The following MALRD1 variants were observed in gnomAD, a reference collection of about 807,000 sequenced individuals.
The protein encoded by MALRD1 is MAM and LDL-receptor class A domain-containing protein 1.
MALRD1 carries 247 observed loss-of-function variants against 242.1 expected under a neutral mutation model. The observed-to-expected ratio is 1.02, with a 90% CI of 0.92 to 1.13. MALRD1 has a LOEUF of 1.13. MALRD1 is among the 50% of genes most tolerant of loss of function. The probability of loss-of-function intolerance (pLI) is 0.00; values close to 1 mark genes in which losing one functional copy is unlikely to be tolerated. For missense variants in MALRD1, 2,989 were observed against 2,533.1 expected (o/e 1.18, Z -3.86); for synonymous variants, 995 against 866.6 (o/e 1.15, Z -2.60).
chr10:19,601,055 C>T (rs1216197869), intron 34 of MALRD1, among the ~76,000 whole-genome samples: 2 of 151,866 alleles, frequency 1.3e-5, no homozygotes, highest in Admixed American at 6.6e-5. Flanking sequence ...TTTTTTAAAA[C>T]AAAATTTGTA....
chr10:19,562,003 T>C (rs1835988377), intron 32 of MALRD1, among the ~76,000 whole-genome samples: 1 of 152,150 alleles, frequency 6.6e-6, no homozygotes. Context: ...ATCTTCATTA[T>C]AAGAACTTGA....
chr10:19,580,453 C>T (rs1378373173), intron 33 of MALRD1, among the ~76,000 whole-genome samples: 2 of 152,124 alleles, frequency 1.3e-5, no homozygotes, highest in Non-Finnish European at 2.9e-5. Flanking sequence ...CCACCTCAAT[C>T]TCATGTTTCC....
intron 18 of MALRD1, among the ~76,000 whole-genome samples, chr10:19,220,672 A>C (rs1326038195): frequency 6.6e-6 from 1 of 152,100 alleles, no homozygotes; most frequent in Non-Finnish European, 1.5e-5. Flanking sequence ...CGATGGCTTC[A>C]TGAGGAGCAG....
intron 14 of MALRD1, among the ~76,000 whole-genome samples, chr10:19,183,621 C>CT (rs1453994645): frequency 6.6e-6 from 1 of 152,126 alleles, no homozygotes; most frequent in Non-Finnish European, 1.5e-5. Context: ...TTATGGCCTA[C>CT]TTCAAACGGG....
intron 28 of MALRD1, among the ~76,000 whole-genome samples, chr10:19,393,788 T>C (rs1300189916): frequency 6.6e-6 from 1 of 152,040 alleles, no homozygotes; most frequent in Non-Finnish European, 1.5e-5. Context: ...GTAATATGTA[T>C]ACATGAATAC....
chr10:19,108,380 GTTTTTTCTTTTTTTTTT>G (rs1836547533), intron 5 of MALRD1, among the ~76,000 whole-genome samples: 3 of 21,280 alleles, frequency 1.4e-4, no homozygotes, highest in African/African-American at 2.2e-4. Flanking sequence ...CTCATGAATT[GTTTTTTCTTTTTTTTTT>G]TTTTTTTTTT....
rs544897725 is a variant in MALRD1, at chr10:19,557,911, T to C, written c.5479-9591T>C. Among the ~76,000 whole-genome samples the C allele has an allele frequency of 2.6e-5, 4 of 152,220 alleles. No individual in the cohort carries two copies. In the South Asian group the frequency reaches 8.3e-4, roughly 32 times the overall value. ...AGTCTTCCTCATGAAATAACATCTA[T>C]TTATCTATATTTGAGATTTTTCATC... On this transcript the variant is annotated intron_variant, in intron 32 of 39. Coordinates refer to ENST00000454679, the MANE Select transcript of MALRD1 (RefSeq NM_001142308.3).
intron 12 of MALRD1, among the ~76,000 whole-genome samples, chr10:19,155,408 TCA>T (rs1834107190): frequency 1.3e-5 from 2 of 152,216 alleles, no homozygotes; most frequent in South Asian, 4.1e-4. Context: ...TATATTCTTT[TCA>T]CACAGTCATT....
intron 33 of MALRD1, among the ~76,000 whole-genome samples, chr10:19,586,083 C>T (rs2131527237): frequency 6.6e-6 from 1 of 152,258 alleles, no homozygotes; most frequent in Middle Eastern, 3.4e-3. Context: ...CCATCAGCTC[C>T]TTTAAGCACT....
chr10:19,211,974 A>C (rs1313298618), intron 18 of MALRD1, among the ~76,000 whole-genome samples: 1 of 152,188 alleles, frequency 6.6e-6, no homozygotes, highest in Non-Finnish European at 1.5e-5. Flanking sequence ...TTGTACATGT[A>C]AGTATACAGG....
At chr10:19,499,554 C>A (rs1766043640) in intron 31 of MALRD1, among the ~76,000 whole-genome samples, 1 of 152,136 alleles carries the variant, frequency 6.6e-6, no homozygotes, top group South Asian at 2.1e-4. Context: ...TGACAGTCCA[C>A]CCTGCAGATA....
At chr10:19,405,732 T>C (rs1050232860) in intron 28 of MALRD1, among the ~76,000 whole-genome samples, 1 of 152,204 alleles carries the variant, frequency 6.6e-6, no homozygotes, top group Non-Finnish European at 1.5e-5. Flanking sequence ...ATATCCTAGT[T>C]CCTAGACTCA....
intron 19 of MALRD1, among the ~76,000 whole-genome samples, chr10:19,265,754 A>C (rs952541580): frequency 3.9e-5 from 6 of 152,060 alleles, no homozygotes; most frequent in African/African-American, 1.4e-4. Flanking sequence ...AGTTTCATTT[A>C]AGTTCAATGT....
At position 19,486,030 on chromosome 10, in the gene MALRD1, T is replaced by G. The variant is rs11812707; in HGVS notation, c.5030-5487T>G. 4.2e-3 allele frequency among the ~76,000 whole-genome samples: 645 copies of G among 152,220 alleles called. 2 individuals are homozygous for G. The highest frequency in any genetic ancestry group is 0.015 in the African/African-American group (617 of 41,552). ...GTGTATATGTTATGATTACAAGTAT[T>G]TAACCTAGTTACAAAAAAATTTAAA... On this transcript the variant is annotated intron_variant, in intron 29 of 39. Coordinates refer to ENST00000454679, the MANE Select transcript of MALRD1 (RefSeq NM_001142308.3).
At chr10:19,118,180 T>C (rs1403374106) in intron 5 of MALRD1, among the ~76,000 whole-genome samples, 1 of 152,018 alleles carries the variant, frequency 6.6e-6, no homozygotes, top group African/African-American at 2.4e-5. Flanking sequence ...AGCCAAACAG[T>C]AGAGGAAATA....
intron 38 of MALRD1, among the ~76,000 whole-genome samples, chr10:19,709,511 G>C (rs1299943839): frequency 6.6e-6 from 1 of 152,014 alleles, no homozygotes; most frequent in Non-Finnish European, 1.5e-5. Flanking sequence ...TCTCTTTTAT[G>C]AGCCATTCAC....
chr10:19,048,907 A>G lies in MALRD1; in HGVS notation c.-32A>G. 16 of 1,223,282 alleles carry G rather than the reference A, an allele frequency of 1.3e-5. No homozygotes were observed. The highest frequency in any genetic ancestry group is 1.6e-5 in the Non-Finnish European group (16 of 978,436). The allele number at this position is 1,223,282 out of a possible 1,614,324, so 75.8% of individuals were successfully genotyped here. A position where few individuals can be genotyped will look rare whatever the true frequency, so the allele number is the denominator to read the frequency against. ...TCCAATGATGGACTTACTTATTACA[A>G]CTGCTTGATCTCTAATAGACAATAC... is the stretch of plus-strand genomic sequence containing the variant. On this transcript the variant is annotated 5_prime_UTR_variant, in exon 1 of 40. Transcript: ENST00000454679.
intron 22 of MALRD1, among the ~76,000 whole-genome samples, chr10:19,325,912 G>T (rs1021645037): frequency 2.0e-5 from 3 of 152,092 alleles, no homozygotes; most frequent in African/African-American, 4.8e-5. Context: ...AGTAGTAGGT[G>T]CTACCCTGAC....
intron 26 of MALRD1, among the ~76,000 whole-genome samples, chr10:19,377,715 A>G (rs1304259568): frequency 1.3e-5 from 2 of 152,250 alleles, no homozygotes; most frequent in East Asian, 1.9e-4. Context: ...GAACATACAC[A>G]TTAAAGGAAA....
Sources: gnomAD v4.1 joint callset for allele counts (sites outside exome capture counted in the v4.1 genomes callset) on GRCh38, gnomAD v4.1.1 for gene constraint, MANE v1.5 for transcripts, NCBI Gene and HGNC (gene_info 2026-07-23, HGNC 2026-07-21) for gene names.